Variants in NLGN4Y observed in about 807,000 individuals in gnomAD.
NLGN4Y encodes neuroligin-4, Y-linked.
In NLGN4Y, 4 loss-of-function variants were observed where a neutral mutation model predicts 8.4. The ratio of observed to expected loss-of-function variants is 0.48; its 90% CI spans 0.23 to 1.09. The LOEUF is 1.09. Among genes scored for constraint, NLGN4Y ranks in the 50% least tolerant of loss-of-function variants. The pLI is 0.19. For synonymous variants in NLGN4Y, 35 were observed against 75.6 expected (o/e 0.46, Z 2.78); for missense variants, 90 against 192.3 (o/e 0.47, Z 3.15).
chrY:14,784,135 G>A (rs2042952239), intron 4 of NLGN4Y, among the ~76,000 whole-genome samples: 2 of 33,613 alleles, frequency 6.0e-5, no homozygotes, highest in Non-Finnish European at 1.5e-4. Context: ...AAATGCTCTG[G>A]AAACACTTCT....
At chrY:14,548,691 C>G (rs1003591197) in intron 1 of NLGN4Y, among the ~76,000 whole-genome samples, 2 of 32,766 alleles carry the variant, frequency 6.1e-5, no homozygotes. Flanking sequence ...AGGGCTGATA[C>G]CTCAGGAAAC....
chrY:14,627,506 C>G, intron 2 of NLGN4Y, among the ~76,000 whole-genome samples: 1 of 34,909 alleles, frequency 2.9e-5, no homozygotes, highest in East Asian at 8.0e-4. Flanking sequence ...TGCTGGGGGA[C>G]CCAGCGCAAC....
At chrY:14,814,136 A>G (rs2043093025) in intron 4 of NLGN4Y, among the ~76,000 whole-genome samples, 1 of 32,946 alleles carries the variant, frequency 3.0e-5, no homozygotes, top group African/African-American at 1.2e-4. Flanking sequence ...TGGTGGGTTC[A>G]TGGTCTCACT....
At chrY:14,793,681 G>C (rs539097730) in intron 4 of NLGN4Y, 11 of 32,611 alleles carry the variant, frequency 3.4e-4, no homozygotes, top group African/African-American at 8.4e-4. Flanking sequence ...AGAAAATATA[G>C]AGTGAGAAAA....
Position 14,530,650 on chromosome Y carries a change from A to G in NLGN4Y, c.-112+5942A>G, listed in dbSNP as rs904753455. Reference sequence around the variant, plus strand: ...CAATTGACAACTTTTACAGTGATCAAACTGGGCACTCTTTACTAAGGCTAA... The same window carrying G: ...CAATTGACAACTTTTACAGTGATCAGACTGGGCACTCTTTACTAAGGCTAA... On this transcript the variant is annotated intron_variant, in intron 1 of 6. Transcript: ENST00000684976. Among the ~76,000 whole-genome samples the G allele has an allele frequency of 9.1e-5, 3 of 32,925 alleles. No individual in the cohort carries two copies. The South Asian group carries it at 2.2e-3, about 24-fold the overall frequency. The allele number at this position is 32,925 out of a possible 37,273, so 88.3% of individuals were successfully genotyped here. A position where few individuals can be genotyped will look rare whatever the true frequency, so the allele number is the denominator to read the frequency against.
intron 6 of NLGN4Y, among the ~76,000 whole-genome samples, chrY:14,837,513 C>T: frequency 6.0e-5 from 2 of 33,527 alleles, no homozygotes; most frequent in African/African-American, 2.3e-4. Context: ...TGTTTCTATC[C>T]TCAGTCATTA....
intron 2 of NLGN4Y, among the ~76,000 whole-genome samples, chrY:14,693,228 T>C: frequency 6.2e-5 from 2 of 32,126 alleles, no homozygotes; most frequent in African/African-American, 2.4e-4. Context: ...CTTCCATCAT[T>C]TTGGGATGTA....
At chrY:14,787,343 T>C (rs915336383) in intron 4 of NLGN4Y, among the ~76,000 whole-genome samples, 1 of 32,979 alleles carries the variant, frequency 3.0e-5, no homozygotes, top group Non-Finnish European at 7.4e-5. Flanking sequence ...GTGTATCTTC[T>C]AATTGATGTA....
At chrY:14,669,004 C>A (rs2080701264) in intron 2 of NLGN4Y, among the ~76,000 whole-genome samples, 1 of 32,602 alleles carries the variant, frequency 3.1e-5, no homozygotes, top group East Asian at 8.0e-4. Context: ...TGATATACAG[C>A]CAAATGACAA....
chrY:14,613,542 A>G, intron 1 of NLGN4Y, among the ~76,000 whole-genome samples: 1 of 32,895 alleles, frequency 3.0e-5, no homozygotes, highest in Non-Finnish European at 7.5e-5. Context: ...GCACCCATCA[A>G]TTCATCCTTT....
intron 2 of NLGN4Y, among the ~76,000 whole-genome samples, chrY:14,704,892 G>A (rs539114475): frequency 0.022 from 735 of 32,871 alleles, no homozygotes; most frequent in Middle Eastern, 0.2. Flanking sequence ...AGACTTGGGC[G>A]GGTGTATGTG....
chrY:14,568,771 T>TA (rs2080260797), intron 1 of NLGN4Y, among the ~76,000 whole-genome samples: 1 of 32,576 alleles, frequency 3.1e-5, no homozygotes, highest in Non-Finnish European at 7.5e-5. Flanking sequence ...CATATATATA[T>TA]TTTTTTTAAA....
At chrY:14,777,674 A>G in intron 4 of NLGN4Y, among the ~76,000 whole-genome samples, 1 of 29,079 alleles carries the variant, frequency 3.4e-5, no homozygotes, top group East Asian at 9.4e-4. Flanking sequence ...AGAGAGATAG[A>G]CAGAGAGAGA....
intron 1 of NLGN4Y, among the ~76,000 whole-genome samples, chrY:14,568,217 GT>G (rs2080259035): frequency 7.0e-4 from 23 of 32,665 alleles, no homozygotes; most frequent in Non-Finnish European, 1.4e-3. Context: ...GTGAGAGGAT[GT>G]TCTGTTTTCT....
chrY:14,805,612 C>T, intron 4 of NLGN4Y, among the ~76,000 whole-genome samples: 1 of 34,010 alleles, frequency 2.9e-5, no homozygotes, highest in African/African-American at 1.1e-4. Context: ...CTAAGAAACA[C>T]ATACATCACA....
At chrY:14,594,016 A>C (rs2080384267) in intron 1 of NLGN4Y, among the ~76,000 whole-genome samples, 1 of 33,894 alleles carries the variant, frequency 3.0e-5, no homozygotes, top group African/African-American at 1.2e-4. Context: ...ATTACAACTG[A>C]GGAGATGGGA....
At chrY:14,821,505 A>G (rs2043122502) in intron 4 of NLGN4Y, among the ~76,000 whole-genome samples, 2 of 33,775 alleles carry the variant, frequency 5.9e-5, no homozygotes, top group African/African-American at 1.2e-4. Flanking sequence ...CATTTTACAG[A>G]GTGCTGATTG....
intron 4 of NLGN4Y, among the ~76,000 whole-genome samples, chrY:14,724,681 C>T (rs984982241): frequency 1.3e-4 from 4 of 31,809 alleles, no homozygotes; most frequent in Admixed American, 1.2e-3. Flanking sequence ...TCTCTGTCAC[C>T]CAGGCTGGAG....
intron 2 of NLGN4Y, among the ~76,000 whole-genome samples, chrY:14,656,381 A>G (rs780948400): frequency 3.1e-5 from 1 of 32,290 alleles, no homozygotes; most frequent in African/African-American, 1.2e-4. Context: ...TGAGGGCAAG[A>G]GTTTGATACC....
Sources: allele counts gnomAD v4.1 joint callset (sites outside exome capture counted in the v4.1 genomes callset), GRCh38; gene constraint gnomAD v4.1.1; transcripts MANE v1.5; gene names NCBI Gene and HGNC (gene_info 2026-07-23, HGNC 2026-07-21).